The following RIN2 variants were observed in gnomAD, a reference collection of about 807,000 sequenced individuals.
RIN2 encodes Ras and Rab interactor 2.
In RIN2, 36 loss-of-function variants were observed where a neutral mutation model predicts 78.0. That is an observed-to-expected ratio of 0.46 (90% confidence interval 0.35 to 0.61). The LOEUF (loss-of-function observed/expected upper bound fraction) is 0.61, where lower values mean the gene tolerates loss of function less well. Ranked by LOEUF, RIN2 falls within the 20% of genes least tolerant of loss-of-function variation. The probability of loss-of-function intolerance (pLI) is 0.00; values close to 1 mark genes in which losing one functional copy is unlikely to be tolerated. For synonymous variants in RIN2, 466 were observed against 466.8 expected (o/e 1.00, Z 0.02); for missense variants, 1,087 against 1,159.7 (o/e 0.94, Z 0.91).
At chr20:19,764,918 G>GTTT (rs10605325) in intron 1 of RIN2, among the ~76,000 whole-genome samples, 1,561 of 50,246 alleles carry the variant, frequency 0.031, 382 homozygotes, top group African/African-American at 0.048. Context: ...CACTTTCTGC[G>GTTT]TTTTTTTTTT....
chr20:19,819,696 A>C (rs1056023871), intron 2 of RIN2, among the ~76,000 whole-genome samples: 12 of 152,042 alleles, frequency 7.9e-5, no homozygotes, highest in Non-Finnish European at 1.5e-4. Context: ...CACCATGCCT[A>C]GCTAATTCTT....
chr20:19,857,051 C>A (rs1024735765), intron 2 of RIN2, among the ~76,000 whole-genome samples: 11 of 152,172 alleles, frequency 7.2e-5, no homozygotes, highest in African/African-American at 2.4e-4. Context: ...TAGGCAGAGA[C>A]CCCGGTAGCC....
chr20:19,843,624 CTT>C (rs1318734427), intron 2 of RIN2, among the ~76,000 whole-genome samples: 4 of 152,176 alleles, frequency 2.6e-5, no homozygotes, highest in Admixed American at 2.0e-4. Context: ...AAACCAAAAA[CTT>C]TGCATGACTC....
intron 1 of RIN2, among the ~76,000 whole-genome samples, chr20:19,796,079 G>C (rs796198939): frequency 1.6e-5 from 2 of 124,356 alleles, no homozygotes; most frequent in African/African-American, 9.7e-5. Flanking sequence ...AGGAAGAAAA[G>C]AGCAAAGAAA....
chr20:19,762,713 C>T (rs569006055), intron 1 of RIN2, among the ~76,000 whole-genome samples: 1 of 151,980 alleles, frequency 6.6e-6, no homozygotes, highest in African/African-American at 2.4e-5. Context: ...TCGTGCTGTG[C>T]GAACAAGGGA....
intron 2 of RIN2, among the ~76,000 whole-genome samples, chr20:19,887,244 A>C (rs1476434700): frequency 6.6e-6 from 1 of 151,746 alleles, no homozygotes; most frequent in East Asian, 1.9e-4. Context: ...GACTAGTCTC[A>C]AACTGCTGGA....
chr20:19,879,513 C>G (rs928104666), intron 2 of RIN2, among the ~76,000 whole-genome samples: 6 of 152,292 alleles, frequency 3.9e-5, no homozygotes, highest in Non-Finnish European at 7.3e-5. Flanking sequence ...GGAAGACATT[C>G]TTCAGAGGAG....
Position 20,000,611 on chromosome 20 carries a change from A to T in RIN2, c.2365-2A>T. ...GTCTCAACATTCCTCTTCCACCTGCAGAATTACCTCCGAGTTGCATTTCAG... is the reference window on the plus strand; with the variant it reads ...GTCTCAACATTCCTCTTCCACCTGCTGAATTACCTCCGAGTTGCATTTCAG... On this transcript the variant is annotated splice_acceptor_variant, in intron 12 of 12. Coordinates refer to ENST00000255006, the MANE Select transcript of RIN2 (RefSeq NM_018993.4). LOFTEE classifies it high-confidence loss of function. 1 of 1,588,768 alleles carries T rather than the reference A, an allele frequency of 6.3e-7. No individual in the cohort carries two copies. Among genetic ancestry groups the T allele is most frequent in the South Asian group, 1.1e-5 (1 of 88,576 alleles).
chr20:19,873,556 T>C (rs548009843), intron 2 of RIN2, among the ~76,000 whole-genome samples: 1 of 152,016 alleles, frequency 6.6e-6, no homozygotes, highest in Non-Finnish European at 1.5e-5. Context: ...AATAAAGGAG[T>C]GGTTGCTGGT....
intron 4 of RIN2, among the ~76,000 whole-genome samples, chr20:19,948,014 T>C (rs2041162233): frequency 1.3e-5 from 2 of 152,242 alleles, no homozygotes; most frequent in Non-Finnish European, 2.9e-5. Context: ...TTTGAGAAAC[T>C]GTGATAATCC....
intron 1 of RIN2, among the ~76,000 whole-genome samples, chr20:19,766,924 A>AAG (rs2033910011): frequency 2.0e-5 from 3 of 151,948 alleles, no homozygotes; most frequent in African/African-American, 7.3e-5. Context: ...AAAAAAAAAA[A>AAG]AAAGAAAAAA....
At chr20:19,917,998 A>G (rs1453839477) in intron 3 of RIN2, among the ~76,000 whole-genome samples, 1 of 152,254 alleles carries the variant, frequency 6.6e-6, no homozygotes, top group Non-Finnish European at 1.5e-5. Flanking sequence ...GTTGATATAC[A>G]CATTCAGATT....
intron 3 of RIN2, among the ~76,000 whole-genome samples, chr20:19,910,632 A>C (rs1377743050): frequency 6.8e-6 from 1 of 146,384 alleles, no homozygotes; most frequent in Non-Finnish European, 1.5e-5. Context: ...GCAGTGGCGC[A>C]GTCTCGGCTC....
intron 2 of RIN2, among the ~76,000 whole-genome samples, chr20:19,812,905 T>G (rs932838182): frequency 2.0e-5 from 3 of 152,228 alleles, no homozygotes; most frequent in African/African-American, 4.8e-5. Context: ...TTATCTTCCT[T>G]TCTTTGGTTA....
chr20:19,911,344 G>A (rs1051037880), intron 3 of RIN2, among the ~76,000 whole-genome samples: 7 of 152,144 alleles, frequency 4.6e-5, no homozygotes, highest in Non-Finnish European at 7.4e-5. Context: ...TTGAGCCACC[G>A]CGCCTGGCCC....
chr20:19,924,334 C>T lies in RIN2; in HGVS notation c.58-10765C>T, dbSNP rs1416732679. Reference sequence around the variant, plus strand: ...TTCATACCCCCACCTTCATACCGCACCTCTTCATACCCCACCTCTTCATAC... The same window carrying T: ...TTCATACCCCCACCTTCATACCGCATCTCTTCATACCCCACCTCTTCATAC... On this transcript the variant is annotated intron_variant, in intron 3 of 12. Coordinates refer to ENST00000255006, the MANE Select transcript of RIN2 (RefSeq NM_018993.4). Among the ~76,000 whole-genome samples the T allele has an allele frequency of 8.5e-5, 2 of 23,642 alleles. 1 individual carries two copies. Among genetic ancestry groups the T allele is most frequent in the Non-Finnish European group, 1.5e-4 (2 of 13,368 alleles). 15.5% of individuals were successfully genotyped at this position (23,642 alleles called of 152,430 possible). A position where few individuals can be genotyped will look rare whatever the true frequency, so the allele number is the denominator to read the frequency against.
At chr20:19,824,709 C>A (rs1229278749) in intron 2 of RIN2, among the ~76,000 whole-genome samples, 1 of 152,148 alleles carries the variant, frequency 6.6e-6, no homozygotes, top group Non-Finnish European at 1.5e-5. Context: ...TGAGTTCTGG[C>A]TGGCAGGGAC....
In RIN2 at chr20:19,855,502, G is replaced by A. The variant is rs138423719; in HGVS notation, c.-36-34064G>A. On this transcript the variant is annotated intron_variant, in intron 2 of 12. Transcript: ENST00000255006. ...TCTGGTAGAATTCAGTTGTGAATCC[G>A]TCTGGTCCTGGACTTTTTCTGGTTG... Among the ~76,000 whole-genome samples the A allele has an allele frequency of 6.7e-3, 1,013 of 152,180 alleles. 16 individuals are homozygous for A. The highest frequency in any genetic ancestry group is 0.022 in the African/African-American group (933 of 41,528).
Position 19,884,882 on chromosome 20 carries a change from G to A in RIN2, c.-36-4684G>A, listed in dbSNP as rs544711279. ...AGCGACCAGGCAAAAAAAGTGAGAT[G>A]CATTTCTTAGATTCGGACTTGACCT... On this transcript the variant is annotated intron_variant, in intron 2 of 12. Transcript: ENST00000255006. 2.9e-3 allele frequency among the ~76,000 whole-genome samples: 438 copies of A among 152,324 alleles called. 1 individual carries two copies. The highest frequency in any genetic ancestry group is 5.3e-3 in the Non-Finnish European group (363 of 68,032).
Sources: allele counts gnomAD v4.1 joint callset (sites outside exome capture counted in the v4.1 genomes callset), GRCh38; gene constraint gnomAD v4.1.1; transcripts MANE v1.5; gene names NCBI Gene and HGNC (gene_info 2026-07-23, HGNC 2026-07-21).